The following BTAF1 variants were observed in gnomAD, a reference collection of about 807,000 sequenced individuals.
BTAF1 encodes the protein TATA-binding protein-associated factor 172.
BTAF1 carries 38 observed loss-of-function variants against 227.1 expected under a neutral mutation model. The ratio of observed to expected loss-of-function variants is 0.17; its 90% CI spans 0.13 to 0.22. The LOEUF (loss-of-function observed/expected upper bound fraction) is 0.22. Among genes scored for constraint, BTAF1 ranks in the 10% least tolerant of loss-of-function variants. The probability of loss-of-function intolerance (pLI) is 1.00; values close to 1 mark genes in which losing one functional copy is unlikely to be tolerated. For missense variants in BTAF1, 1,598 were observed against 2,204.0 expected, an observed-to-expected ratio of 0.73 and a Z score of 5.51; for synonymous variants, 742 against 751.9, an observed-to-expected ratio of 0.99 and a Z score of 0.21.
chr10:91,964,046 T>G (rs1161887278), intron 12 of BTAF1, 31 bp from the exon 13 acceptor site: 2 of 1,610,122 alleles, frequency 1.2e-6, no homozygotes, highest in African/African-American at 1.3e-5. Context: ...TGTGCAAAAT[T>G]GATAACTTTT....
At chr10:91,999,237 G>A (rs777850904) in intron 25 of BTAF1, among the ~76,000 whole-genome samples, 19 of 151,502 alleles carry the variant, frequency 1.3e-4, no homozygotes, top group Non-Finnish European at 2.6e-4. Flanking sequence ...CAAAGTAACT[G>A]TATCATTTGA....
chr10:92,011,230 A>G, intron 29 of BTAF1, 56 bp from the exon 30 acceptor site: 3 of 1,516,204 alleles, frequency 2.0e-6, no homozygotes, highest in Non-Finnish European at 2.7e-6. Context: ...AAGATTCTTC[A>G]TATAGTTCCT....
intron 4 of BTAF1, among the ~76,000 whole-genome samples, chr10:91,950,153 G>GGC (rs1564666049): frequency 3.3e-5 from 3 of 89,968 alleles, no homozygotes; most frequent in South Asian, 7.5e-4. Flanking sequence ...CTTTGTGGGG[G>GGC]GGGGCGGGAA....
intron 4 of BTAF1, among the ~76,000 whole-genome samples, chr10:91,945,138 TA>T (rs983920640): frequency 2.0e-5 from 3 of 152,114 alleles, no homozygotes; most frequent in African/African-American, 7.2e-5. Context: ...ATGTGGCTGG[TA>T]AATTGAATCA....
At chr10:91,949,792 A>C (rs574382929) in intron 4 of BTAF1, among the ~76,000 whole-genome samples, 1 of 151,580 alleles carries the variant, frequency 6.6e-6, no homozygotes, top group South Asian at 2.1e-4. Context: ...ACTTCCTGGG[A>C]TTGTAATGGC....
In BTAF1 at chr10:91,989,150, A is replaced by G; in HGVS notation, c.2428-4A>G. 1 of 1,584,368 alleles carries G rather than the reference A, an allele frequency of 6.3e-7. No individual in the cohort carries two copies. The highest frequency in any genetic ancestry group is 8.6e-7 in the Non-Finnish European group (1 of 1,168,096). ...TGATTTTTAATTTCTTTTTTTTTTAATAGGTCACTACTGTTTTTAATGAAG... is the reference window on the plus strand; with the variant it reads ...TGATTTTTAATTTCTTTTTTTTTTAGTAGGTCACTACTGTTTTTAATGAAG... On this transcript the variant is annotated splice_polypyrimidine_tract_variant and splice_region_variant and intron_variant, in intron 19 of 37. Coordinates refer to ENST00000265990, the MANE Select transcript of BTAF1 (RefSeq NM_003972.3).
intron 4 of BTAF1, among the ~76,000 whole-genome samples, chr10:91,946,566 A>G (rs758808944): frequency 3.9e-5 from 6 of 152,062 alleles, no homozygotes; most frequent in Non-Finnish European, 7.4e-5. Context: ...TTTTCCTAAC[A>G]CTTATTATCT....
At chr10:91,992,070 G>A in intron 20 of BTAF1, 49 bp from the exon 21 acceptor site, 7 of 1,431,166 alleles carry the variant, frequency 4.9e-6, no homozygotes, top group Non-Finnish European at 6.6e-6. Flanking sequence ...AAAACATTTG[G>A]TATCACCAAT....
chr10:91,982,785 TAA>T, intron 18 of BTAF1, 24 bp downstream of exon 18: 1 of 1,568,798 alleles, frequency 6.4e-7, no homozygotes, highest in Non-Finnish European at 8.7e-7. Context: ...CCAAAAGTAA[TAA>T]AGACAAATTA....
intron 21 of BTAF1, among the ~76,000 whole-genome samples, chr10:91,993,261 T>C (rs1041094701): frequency 1.3e-5 from 2 of 152,202 alleles, no homozygotes; most frequent in Non-Finnish European, 2.9e-5. Flanking sequence ...TACTGCTGAA[T>C]AAGAATTATT....
At chr10:91,953,601 T>G in intron 5 of BTAF1, 136 bp from the exon 6 acceptor site, 1 of 936,362 alleles carries the variant, frequency 1.1e-6, no homozygotes, top group East Asian at 2.6e-5. Flanking sequence ...AACAAAAGAG[T>G]GTGAACCTGT....
At chr10:92,014,159 G>T in intron 32 of BTAF1, 130 bp downstream of exon 32, 1 of 968,500 alleles carries the variant, frequency 1.0e-6, no homozygotes, top group Non-Finnish European at 1.5e-6. Context: ...CCTAAATGAT[G>T]TGGATGTAAG....
intron 26 of BTAF1, 120 bp downstream of exon 26, chr10:92,008,395 G>T: frequency 1.0e-6 from 1 of 974,044 alleles, no homozygotes; most frequent in Non-Finnish European, 1.4e-6. Context: ...CCAGGCTGGG[G>T]TGCAGTGGCA....
At chr10:91,993,223 T>C (rs74149349) in intron 21 of BTAF1, among the ~76,000 whole-genome samples, 2,054 of 152,308 alleles carry the variant, frequency 0.013, 46 homozygotes, top group African/African-American at 0.045. Flanking sequence ...AAATATCTTT[T>C]TGGGGGGACA....
At chr10:92,011,000 C>CTA in intron 28 of BTAF1, 73 bp from the exon 29 acceptor site, 1 of 1,135,566 alleles carries the variant, frequency 8.8e-7, no homozygotes, top group Non-Finnish European at 1.3e-6. Context: ...ATTGAAAGCA[C>CTA]TTTATACAAA....
At chr10:91,946,043 A>C (rs1168371873) in intron 4 of BTAF1, among the ~76,000 whole-genome samples, 1 of 152,232 alleles carries the variant, frequency 6.6e-6, no homozygotes, top group Non-Finnish European at 1.5e-5. Context: ...GAATACCACA[A>C]TTTGTAAAAG....
Position 92,018,904 on chromosome 10 carries a change from A to G in BTAF1, c.4832A>G (p.Gln1611Arg). The G allele has an allele frequency of 6.2e-7, 1 of 1,604,400 alleles. No homozygotes were observed. Among genetic ancestry groups the G allele is most frequent in the Non-Finnish European group, 8.5e-7 (1 of 1,176,820 alleles). The change falls in exon 34 of 38, where the codon CAA (glutamine) becomes CGA (arginine). Residue 1611 changes from glutamine (Q) to arginine (R), a missense_variant. Around this residue, in one of 10 missense-constraint regions of BTAF1, gnomAD observed 205 missense variants for 244.5 expected, o/e 0.84. Transcript: ENST00000265990. ...AVQNSSLHDIQHAPKLSALKQ... is the reference protein window; with the variant it reads ...AVQNSSLHDIRHAPKLSALKQ... ...CAGAATTCTTCTCTACATGATATTC[A>G]ACATGCCCCTAAGCTCTCAGCTTTG...
At position 91,951,665 on chromosome 10, in the gene BTAF1, C is replaced by T. The variant is rs1471065367; in HGVS notation, c.564+99C>T. On this transcript the variant is annotated intron_variant, in intron 5 of 37. Coordinates refer to ENST00000265990, the MANE Select transcript of BTAF1 (RefSeq NM_003972.3). ...TAGTTTAAGAAAATGTTATACTTAG[C>T]TCTGTTCATTGCTGCTTAGTGCCAC... 7 of 1,284,496 alleles carry T rather than the reference C, an allele frequency of 5.4e-6. No individual in the cohort carries two copies. In the African/African-American group the frequency reaches 9.1e-5, roughly 17 times the overall value. The allele number at this position is 1,284,496 out of a possible 1,614,324, so 79.6% of individuals were successfully genotyped here.
At chr10:92,020,542 A>G (rs1851054233) in intron 34 of BTAF1, among the ~76,000 whole-genome samples, 1 of 152,212 alleles carries the variant, frequency 6.6e-6, no homozygotes, top group Non-Finnish European at 1.5e-5. Flanking sequence ...TAGATTCCAC[A>G]TAGGTTAGTG....
Sources: gnomAD v4.1 joint callset for allele counts (sites outside exome capture counted in the v4.1 genomes callset) on GRCh38, gnomAD v4.1.1 for gene constraint, gnomAD v4.1.1 regional missense constraint, MANE v1.5 for transcripts, NCBI Gene and HGNC (gene_info 2026-07-23, HGNC 2026-07-21) for gene names.